CENPH: variants seen among roughly 807,000 people sequenced by gnomAD.
The protein encoded by CENPH is centromere protein H.
CENPH carries 40 observed loss-of-function variants against 42.9 expected under a neutral mutation model. The observed-to-expected ratio is 0.93, with a 90% CI of 0.72 to 1.21. The LOEUF is 1.21. Ranked by LOEUF, CENPH falls within the 50% of genes most tolerant of loss-of-function variation. CENPH has a pLI of 0.00. For synonymous variants in CENPH, 88 were observed against 96.5 expected, an observed-to-expected ratio of 0.91 and a Z score of 0.52; for missense variants, 302 against 292.9, an observed-to-expected ratio of 1.03 and a Z score of -0.23.
At chr5:69,202,433 C>A in intron 5 of CENPH, 73 bp from the exon 6 acceptor site, 1 of 828,980 alleles carries the variant, frequency 1.2e-6, no homozygotes, top group Non-Finnish European at 2.0e-6. Context: ...TTGATTCCTT[C>A]ATTAATGACA....
At chr5:69,194,545 A>C (rs1747931813) in intron 2 of CENPH, 102 bp from the exon 3 acceptor site, 1 of 620,434 alleles carries the variant, frequency 1.6e-6, no homozygotes, top group Admixed American at 2.9e-5. Flanking sequence ...TGTGAAAACG[A>C]CATTTTAAAT....
At chr5:69,203,539 G>T (rs531853009) in intron 7 of CENPH, among the ~76,000 whole-genome samples, 45 of 152,022 alleles carry the variant, frequency 3.0e-4, no homozygotes, top group South Asian at 8.3e-4. Context: ...GCTAGTTTTC[G>T]TATTTTTTTA....
chr5:69,191,779 C>G lies in CENPH; in HGVS notation c.135-16C>G. Reference sequence around the variant, plus strand: ...CAATAAATATGTGACTTTATATTCTCTTTATCTGTTTTCAGGCTGAGAGCA... The same window carrying G: ...CAATAAATATGTGACTTTATATTCTGTTTATCTGTTTTCAGGCTGAGAGCA... On this transcript the variant is annotated splice_polypyrimidine_tract_variant and intron_variant, in intron 1 of 8. Transcript: ENST00000283006. The G allele has an allele frequency of 6.7e-7, 1 of 1,483,352 alleles. No individual in the cohort carries two copies. Among genetic ancestry groups the G allele is most frequent in the Non-Finnish European group, 9.4e-7 (1 of 1,062,948 alleles). The allele number at this position is 1,483,352 out of a possible 1,614,324, so 91.9% of individuals were successfully genotyped here.
chr5:69,196,905 A>T, intron 4 of CENPH, 148 bp from the exon 5 acceptor site: 1 of 546,544 alleles, frequency 1.8e-6, no homozygotes, highest in Non-Finnish European at 3.2e-6. Context: ...TTTATTTCTC[A>T]AAGTATTTCT....
intron 1 of CENPH, among the ~76,000 whole-genome samples, chr5:69,190,271 G>C (rs542987147): frequency 1.2e-4 from 19 of 152,332 alleles, no homozygotes; most frequent in Non-Finnish European, 2.5e-4. Flanking sequence ...TAGTGAGCAG[G>C]AGAAGGTCCT....
chr5:69,200,322 A>G (rs1748037787), intron 5 of CENPH, among the ~76,000 whole-genome samples: 1 of 152,138 alleles, frequency 6.6e-6, no homozygotes, highest in African/African-American at 2.4e-5. Flanking sequence ...AGCTTACCCA[A>G]TGAGAAACTG....
chr5:69,191,060 C>G (rs1023211354), intron 1 of CENPH, among the ~76,000 whole-genome samples: 1 of 152,128 alleles, frequency 6.6e-6, no homozygotes, highest in African/African-American at 2.4e-5. Context: ...TATAGAACAA[C>G]TGAAAAACTA....
intron 3 of CENPH, 142 bp from the exon 4 acceptor site, chr5:69,195,575 A>G (rs1369640512): frequency 3.4e-6 from 2 of 589,114 alleles, no homozygotes; most frequent in Admixed American, 6.7e-5. Context: ...ATGTGTAAAT[A>G]CACATTGGTA....
chr5:69,191,235 G>C (rs1369070931), intron 1 of CENPH, among the ~76,000 whole-genome samples: 1 of 152,170 alleles, frequency 6.6e-6, no homozygotes, highest in Non-Finnish European at 1.5e-5. Flanking sequence ...TTAAGCGGCC[G>C]GGTGCGGTGG....
Position 69,189,767 on chromosome 5 carries a change from A to C in CENPH, c.133A>C (p.Arg45=). The C allele has an allele frequency of 6.7e-7, 1 of 1,491,200 alleles. No homozygotes were observed. Among genetic ancestry groups the C allele is most frequent in the Non-Finnish European group, 8.9e-7 (1 of 1,124,240 alleles). 92.4% of individuals were successfully genotyped at this position (1,491,200 alleles called of 1,614,324 possible). A position where few individuals can be genotyped will look rare whatever the true frequency, so the allele number is the denominator to read the frequency against. Residue 45 remains arginine, a splice_region_variant and synonymous_variant, in exon 1 of 9, where the codon AGG becomes CGG. Transcript: ENST00000283006. ...CGAGGACCGCATGACCCTGCTCCTCAGGTTGTTCCCTTTGGCCTCCTCAGC... is the reference window on the plus strand; with the variant it reads ...CGAGGACCGCATGACCCTGCTCCTCCGGTTGTTCCCTTTGGCCTCCTCAGC... ...CSEDRMTLLL[R]LRAQTKQQLL...
chr5:69,209,431 G>A (rs1284787287), intron 8 of CENPH, among the ~76,000 whole-genome samples: 3 of 151,920 alleles, frequency 2.0e-5, no homozygotes, highest in East Asian at 1.9e-4. Flanking sequence ...CCAGCTACTC[G>A]GGAGGCTGAG....
chr5:69,199,953 A>C (rs1748031067), intron 5 of CENPH, among the ~76,000 whole-genome samples: 1 of 151,976 alleles, frequency 6.6e-6, no homozygotes, highest in South Asian at 2.1e-4. Context: ...TCTCTACTAA[A>C]AATGCAAAAA....
In CENPH at chr5:69,208,250, A is replaced by C; in HGVS notation, c.542A>C (p.Lys181Thr). The stretch of plus-strand genomic sequence containing the variant: ...TTAGAAATACAGACTGAAAAGAACA[A>C]ACAGAAGATTGATTTGGACAGTATG... ...KLLEIQTEKNKQKIDLDSMEN... is the reference protein window; with the variant it reads ...KLLEIQTEKNTQKIDLDSMEN... Residue 181 changes from lysine to threonine, a missense_variant, in exon 8 of 9, where the codon AAA becomes ACA. Physicochemically the swap from Lys to Thr is moderately conservative, Grantham distance 78 (BLOSUM62 -1). Coordinates refer to ENST00000283006, the MANE Select transcript of CENPH (RefSeq NM_022909.4). The C allele has an allele frequency of 6.3e-7, 1 of 1,594,864 alleles. No homozygotes were observed. The highest frequency in any genetic ancestry group is 8.6e-7 in the Non-Finnish European group (1 of 1,163,054).
At chr5:69,204,250 A>G (rs151003845) in intron 7 of CENPH, among the ~76,000 whole-genome samples, 3 of 150,596 alleles carry the variant, frequency 2.0e-5, no homozygotes, top group Non-Finnish European at 3.0e-5. Context: ...GAAAAGTTAA[A>G]TTTTTTTTAT....
chr5:69,202,517 A>G lies in CENPH; in HGVS notation c.383A>G (p.Asp128Gly), dbSNP rs1250799165. ...TGTTTCCTTTTCAGTGTGCTCATGG[A>G]TAACATGAAACACCTATTAGAGCTA... ...KISRQSSVLMDNMKHLLELNK... is the reference protein window; with the variant it reads ...KISRQSSVLMGNMKHLLELNK... Residue 128 changes from aspartate (D) to glycine (G), a missense_variant, in exon 6 of 9, where the codon GAT (aspartate) becomes GGT (glycine). Physicochemically the swap from Asp to Gly is moderately conservative, Grantham distance 94. Coordinates refer to ENST00000283006, the MANE Select transcript of CENPH (RefSeq NM_022909.4). 9.6e-6 allele frequency: 15 copies of G among 1,557,506 alleles called. No individual in the cohort carries two copies. Among genetic ancestry groups the G allele is most frequent in the Non-Finnish European group, 1.1e-5 (13 of 1,134,208 alleles).
At chr5:69,207,573 C>T (rs950033804) in intron 7 of CENPH, among the ~76,000 whole-genome samples, 1 of 151,250 alleles carries the variant, frequency 6.6e-6, no homozygotes, top group African/African-American at 2.4e-5. Flanking sequence ...TTTGGGAGGC[C>T]GAGGCGGGTG....
intron 5 of CENPH, among the ~76,000 whole-genome samples, chr5:69,200,819 A>T: frequency 1.5e-5 from 1 of 68,518 alleles, no homozygotes; most frequent in Non-Finnish European, 2.2e-5. Flanking sequence ...GCTCACTGCA[A>T]CCTCTGCCTC....
intron 7 of CENPH, among the ~76,000 whole-genome samples, chr5:69,205,885 A>G (rs1479832263): frequency 1.4e-5 from 2 of 147,812 alleles, no homozygotes; most frequent in Non-Finnish European, 3.0e-5. Context: ...ATTTTTTTGT[A>G]TTTTTAGTAG....
At chr5:69,205,203 C>T (rs569629251) in intron 7 of CENPH, among the ~76,000 whole-genome samples, 33 of 152,004 alleles carry the variant, frequency 2.2e-4, no homozygotes, top group African/African-American at 7.7e-4. Flanking sequence ...CAGGCATGAG[C>T]CACCTCGCCT....
Sources: allele counts gnomAD v4.1 joint callset (sites outside exome capture counted in the v4.1 genomes callset), GRCh38; gene constraint gnomAD v4.1.1; transcripts MANE v1.5; gene names NCBI Gene and HGNC (gene_info 2026-07-23, HGNC 2026-07-21).